Variants in NECAB1 observed in about 807,000 individuals in gnomAD.
The protein encoded by NECAB1 is N-terminal EF-hand calcium binding protein 1.
Under a neutral mutation model 57.5 loss-of-function variants are expected in NECAB1, and 29 were observed. That is an observed-to-expected ratio of 0.50 (90% CI 0.38 to 0.69). The LOEUF (loss-of-function observed/expected upper bound fraction) is 0.69, where lower values mean the gene tolerates loss of function less well. Ranked by LOEUF, NECAB1 falls within the 30% of genes least tolerant of loss-of-function variation. The pLI, the probability that NECAB1 is intolerant of heterozygous loss-of-function variation, is 0.00. For synonymous variants in NECAB1, 142 were observed against 147.7 expected (o/e 0.96, Z 0.28); for missense variants, 372 against 413.8 (o/e 0.90, Z 0.88).
chr8:90,941,896 C>T lies in NECAB1; in HGVS notation c.860+998C>T, dbSNP rs143465371. Among the ~76,000 whole-genome samples the T allele has an allele frequency of 6.8e-4, 104 of 152,274 alleles. 1 individual carries two copies. In the East Asian group the frequency reaches 0.015, roughly 22 times the overall value. On this transcript the variant is annotated intron_variant, in intron 10 of 12. Coordinates refer to ENST00000417640, the MANE Select transcript of NECAB1 (RefSeq NM_022351.5). Reference sequence around the variant, plus strand: ...GAAAACTTCCACAACCAAGTCTAACCCTACCTTATGAGCTTGCTTAAACTA... The same window carrying T: ...GAAAACTTCCACAACCAAGTCTAACTCTACCTTATGAGCTTGCTTAAACTA...
chr8:90,814,195 T>G (rs1812019750), intron 2 of NECAB1, among the ~76,000 whole-genome samples: 1 of 152,240 alleles, frequency 6.6e-6, no homozygotes, highest in Admixed American at 6.5e-5. Flanking sequence ...ATTTGGGATT[T>G]GTCTGGTGTT....
intron 12 of NECAB1, among the ~76,000 whole-genome samples, chr8:90,952,496 A>C (rs997264868): frequency 3.9e-5 from 6 of 151,968 alleles, no homozygotes; most frequent in African/African-American, 1.4e-4. Flanking sequence ...AATGGGAGGA[A>C]GGCTGGGCGC....
Position 90,911,773 on chromosome 8 carries a change from G to C in NECAB1, c.358-5719G>C, listed in dbSNP as rs969176545. Among the ~76,000 whole-genome samples the C allele has an allele frequency of 2.0e-5, 3 of 152,192 alleles. No homozygotes were observed. In the East Asian group the frequency reaches 5.8e-4, roughly 29 times the overall value. On this transcript the variant is annotated intron_variant, in intron 5 of 12. Transcript: ENST00000417640. ...AGTATTATCACAGCAAACAAACCCA[G>C]GTCTTGTGAAGTTTGAGCCAATGAT...
chr8:90,914,685 T>A (rs1809910116), intron 5 of NECAB1, among the ~76,000 whole-genome samples: 1 of 152,216 alleles, frequency 6.6e-6, no homozygotes, highest in Non-Finnish European at 1.5e-5. Context: ...GTTAGCCTAA[T>A]CATAACTTTC....
chr8:90,849,592 T>C (rs969131486), intron 3 of NECAB1, among the ~76,000 whole-genome samples: 3 of 149,588 alleles, frequency 2.0e-5, no homozygotes, highest in Middle Eastern at 3.2e-3. Flanking sequence ...TAGGTTAATA[T>C]AGCAGAATAA....
chr8:90,795,009 T>C (rs1242912075), intron 1 of NECAB1, among the ~76,000 whole-genome samples: 1 of 152,230 alleles, frequency 6.6e-6, no homozygotes, highest in African/African-American at 2.4e-5. Flanking sequence ...AGCATTTGCA[T>C]ATGGCATGCC....
intron 5 of NECAB1, among the ~76,000 whole-genome samples, chr8:90,903,536 C>G (rs148584246): frequency 4.6e-5 from 7 of 152,030 alleles, no homozygotes; most frequent in African/African-American, 1.7e-4. Flanking sequence ...TACTCATGAA[C>G]AAAAAAGTCA....
Position 90,934,138 on chromosome 8 carries a change from T to C in NECAB1, c.694-166T>C, listed in dbSNP as rs533378791. Among the ~76,000 whole-genome samples, 7 of 152,314 alleles carry C rather than the reference T, an allele frequency of 4.6e-5. 1 individual carries two copies. The highest frequency in any genetic ancestry group is 4.6e-4 in the Admixed American group (7 of 15,290). On this transcript the variant is annotated intron_variant, in intron 8 of 12. Coordinates refer to ENST00000417640, the MANE Select transcript of NECAB1 (RefSeq NM_022351.5). Reference sequence around the variant, plus strand: ...TTGATAAATAAGTACAAAGAGTCTTTATTGGAACAGCTGAGTTTTAAAAAA... The same window carrying C: ...TTGATAAATAAGTACAAAGAGTCTTCATTGGAACAGCTGAGTTTTAAAAAA...
intron 3 of NECAB1, among the ~76,000 whole-genome samples, chr8:90,829,074 C>T (rs1030608082): frequency 2.0e-5 from 3 of 151,950 alleles, no homozygotes; most frequent in East Asian, 1.9e-4. Context: ...TTGTAGTGAG[C>T]CTTATTGCAC....
At chr8:90,836,575 A>G (rs1337919317) in intron 3 of NECAB1, among the ~76,000 whole-genome samples, 1 of 152,178 alleles carries the variant, frequency 6.6e-6, no homozygotes, top group East Asian at 1.9e-4. Context: ...TCAATCTTCC[A>G]CCATCCTCAT....
At chr8:90,886,517 T>C (rs1808995593) in intron 5 of NECAB1, among the ~76,000 whole-genome samples, 1 of 152,032 alleles carries the variant, frequency 6.6e-6, no homozygotes, top group African/African-American at 2.4e-5. Context: ...TTCTCTGTTC[T>C]CTCTCTCTCT....
At chr8:90,900,275 C>T (rs1302235946) in intron 5 of NECAB1, among the ~76,000 whole-genome samples, 1 of 152,054 alleles carries the variant, frequency 6.6e-6, no homozygotes, top group Non-Finnish European at 1.5e-5. Flanking sequence ...CTGAATCTTC[C>T]CACATTGATC....
chr8:90,938,840 C>T (rs1810602281), intron 9 of NECAB1, among the ~76,000 whole-genome samples: 1 of 152,296 alleles, frequency 6.6e-6, no homozygotes, highest in African/African-American at 2.4e-5. Context: ...AGTGGCTTAA[C>T]ACAATAACCA....
chr8:90,844,618 C>T (rs1229839234), intron 3 of NECAB1, among the ~76,000 whole-genome samples: 1 of 152,090 alleles, frequency 6.6e-6, no homozygotes, highest in East Asian at 1.9e-4. Context: ...TCATTTCCAC[C>T]ACTGTTTTCA....
chr8:90,949,725 CATACTACATATGGATATTA>C, intron 10 of NECAB1, 63 bp from the exon 11 acceptor site: 1 of 680,626 alleles, frequency 1.5e-6, no homozygotes, highest in Admixed American at 2.6e-5. Context: ...AAGATTGTTT[CATACTACATATGGATATTA>C]GAAAAGTTAG....
chr8:90,901,323 A>G (rs1031169649), intron 5 of NECAB1, among the ~76,000 whole-genome samples: 18 of 151,524 alleles, frequency 1.2e-4, no homozygotes, highest in Non-Finnish European at 2.4e-4. Context: ...TCCTTTTTTA[A>G]TTGCTGGTTT....
intron 12 of NECAB1, among the ~76,000 whole-genome samples, 190 bp downstream of exon 12, chr8:90,951,394 T>C (rs930044503): frequency 6.6e-6 from 1 of 152,186 alleles, no homozygotes; most frequent in African/African-American, 2.4e-5. Flanking sequence ...ATTTTGTCCT[T>C]AGTTGACCCT....
At chr8:90,907,721 T>C (rs1450939868) in intron 5 of NECAB1, among the ~76,000 whole-genome samples, 2 of 152,194 alleles carry the variant, frequency 1.3e-5, no homozygotes, top group African/African-American at 2.4e-5. Context: ...TTATATTTGA[T>C]GAAGTACAGT....
At chr8:90,952,238 G>A (rs1185977891) in intron 12 of NECAB1, among the ~76,000 whole-genome samples, 1 of 151,604 alleles carries the variant, frequency 6.6e-6, no homozygotes, top group Non-Finnish European at 1.5e-5. Flanking sequence ...AAAAAAACCT[G>A]CACCAGGAAA....
Sources: allele counts gnomAD v4.1 joint callset (sites outside exome capture counted in the v4.1 genomes callset), GRCh38; gene constraint gnomAD v4.1.1; transcripts MANE v1.5; gene names NCBI Gene and HGNC (gene_info 2026-07-23, HGNC 2026-07-21).